CCDC102B: variants seen among roughly 807,000 people sequenced by gnomAD.
The protein encoded by CCDC102B is coiled-coil domain-containing protein 102B.
Under a neutral mutation model 57.4 loss-of-function variants are expected in CCDC102B, and 75 were observed. The observed-to-expected ratio is 1.31, with a 90% CI of 1.08 to 1.58. The LOEUF (loss-of-function observed/expected upper bound fraction) is 1.58. Ranked by LOEUF, CCDC102B falls within the 40% of genes most tolerant of loss-of-function variation. The pLI is 0.00. For synonymous variants in CCDC102B, 206 were observed against 201.9 expected (o/e 1.02, Z -0.17); for missense variants, 636 against 582.6 (o/e 1.09, Z -0.94).
chr18:69,035,777 A>G (rs552372931), intron 7 of CCDC102B, among the ~76,000 whole-genome samples: 1 of 152,268 alleles, frequency 6.6e-6, no homozygotes, highest in African/African-American at 2.4e-5. Flanking sequence ...TTTACTCTGT[A>G]TTAATGATTC....
intron 6 of CCDC102B, among the ~76,000 whole-genome samples, chr18:68,928,837 G>A (rs530272357): frequency 6.6e-6 from 1 of 151,828 alleles, no homozygotes; most frequent in South Asian, 2.1e-4. Context: ...AAAGAGGGGG[G>A]ACAATGGATT....
intron 1 of CCDC102B, among the ~76,000 whole-genome samples, chr18:68,828,231 T>G (rs1254107986): frequency 1.3e-5 from 2 of 150,002 alleles, no homozygotes; most frequent in African/African-American, 4.9e-5. Context: ...TAGGATCTAA[T>G]TGTCATTTAT....
At chr18:68,973,283 A>G (rs1375077979) in intron 6 of CCDC102B, among the ~76,000 whole-genome samples, 1 of 152,134 alleles carries the variant, frequency 6.6e-6, no homozygotes. Context: ...GTGTAAGTCT[A>G]TATAAAAAAA....
intron 1 of CCDC102B, among the ~76,000 whole-genome samples, chr18:68,825,812 G>A (rs539354331): frequency 3.3e-5 from 5 of 152,280 alleles, no homozygotes; most frequent in Admixed American, 1.3e-4. Context: ...ATTAAATGCA[G>A]TAATTCTGCT....
intron 6 of CCDC102B, among the ~76,000 whole-genome samples, chr18:68,964,127 A>G (rs963500195): frequency 1.3e-5 from 2 of 151,914 alleles, no homozygotes; most frequent in African/African-American, 4.8e-5. Context: ...TGGAAATCCA[A>G]TGAGTCAGAT....
chr18:69,045,606 C>G (rs113166804), intron 7 of CCDC102B, among the ~76,000 whole-genome samples: 3,103 of 151,966 alleles, frequency 0.02, 103 homozygotes, highest in African/African-American at 0.07. Flanking sequence ...TTATTTTTTA[C>G]TTTTATTTTA....
chr18:68,845,653 C>T (rs1313117375), intron 3 of CCDC102B, among the ~76,000 whole-genome samples: 4 of 151,756 alleles, frequency 2.6e-5, no homozygotes, highest in African/African-American at 4.8e-5. Flanking sequence ...TTATCAATGA[C>T]TCAGACATTG....
At position 68,886,080 on chromosome 18, in the gene CCDC102B, G is replaced by A. The variant is rs150544152; in HGVS notation, c.1054-11139G>A. Among the ~76,000 whole-genome samples the A allele has an allele frequency of 1.8e-4, 28 of 151,774 alleles. No homozygotes were observed. In the East Asian group the frequency reaches 4.4e-3, roughly 24 times the overall value. ...ATATATATATTTACAATGTTAAGAT[G>A]GAACACGTGGCCGGGGGCAGTGGCT... On this transcript the variant is annotated intron_variant, in intron 5 of 7. Coordinates refer to ENST00000360242, the MANE Select transcript of CCDC102B (RefSeq NM_024781.3).
intron 2 of CCDC102B, among the ~76,000 whole-genome samples, chr18:68,783,139 T>C (rs1260547360): frequency 6.6e-6 from 1 of 152,206 alleles, no homozygotes; most frequent in Non-Finnish European, 1.5e-5. Flanking sequence ...CCAGCAGTCC[T>C]GGCCTGGGAA....
intron 7 of CCDC102B, among the ~76,000 whole-genome samples, chr18:69,051,424 G>A (rs577691263): frequency 2.0e-4 from 30 of 151,688 alleles, no homozygotes; most frequent in African/African-American, 7.2e-4. Flanking sequence ...CTGTGTTTTG[G>A]GCAAAAACAT....
intron 6 of CCDC102B, among the ~76,000 whole-genome samples, chr18:68,963,864 T>TA (rs1219684176): frequency 1.3e-5 from 2 of 151,876 alleles, no homozygotes; most frequent in Non-Finnish European, 1.5e-5. Context: ...AATCTTCTAA[T>TA]AATTCTTCTA....
At chr18:68,900,764 A>G (rs1379496719) in intron 6 of CCDC102B, among the ~76,000 whole-genome samples, 1 of 152,010 alleles carries the variant, frequency 6.6e-6, no homozygotes, top group Non-Finnish European at 1.5e-5. Flanking sequence ...TAGGAACATT[A>G]AAAGAACACA....
chr18:68,891,708 T>A (rs1171244670), intron 5 of CCDC102B, among the ~76,000 whole-genome samples: 1 of 152,244 alleles, frequency 6.6e-6, no homozygotes, highest in Admixed American at 6.5e-5. Flanking sequence ...TGTCATTACA[T>A]GGTCTTTCCT....
intron 6 of CCDC102B, among the ~76,000 whole-genome samples, chr18:68,953,022 C>A (rs1280373930): frequency 6.6e-6 from 1 of 151,986 alleles, no homozygotes; most frequent in Non-Finnish European, 1.5e-5. Context: ...TATAGACACA[C>A]AGTGGGATAT....
intron 5 of CCDC102B, 34 bp downstream of exon 5, chr18:68,874,819 A>G (rs750766815): frequency 3.2e-6 from 4 of 1,261,164 alleles, no homozygotes; most frequent in African/African-American, 3.0e-5. Context: ...CATATATATT[A>G]AAACATAACT....
intron 2 of CCDC102B, among the ~76,000 whole-genome samples, chr18:68,740,145 C>T (rs2033320274): frequency 6.6e-6 from 1 of 152,160 alleles, no homozygotes. Context: ...TTGGCTTTTA[C>T]CCACTAGATT....
rs541002987 is a variant in CCDC102B at position 68,900,399 on chromosome 18, A to G, written c.1263+2971A>G. 22 of 152,246 alleles carry G rather than the reference A, an allele frequency of 1.4e-4. No homozygotes were observed. In the East Asian group the frequency reaches 3.7e-3, roughly 25 times the overall value. The allele number at this position is 152,246 out of a possible 1,614,324, so 9.4% of individuals were successfully genotyped here. A position where few individuals can be genotyped will look rare whatever the true frequency, so the allele number is the denominator to read the frequency against. ...GTGATGCTTGATCATTAGAATGTAC[A>G]TTTCCATCCAACATTAAAAAATCCA... On this transcript the variant is annotated intron_variant, in intron 6 of 7. Transcript: ENST00000360242.
intron 6 of CCDC102B, among the ~76,000 whole-genome samples, chr18:68,963,715 C>A (rs757386502): frequency 6.6e-6 from 1 of 151,746 alleles, no homozygotes; most frequent in Non-Finnish European, 1.5e-5. Flanking sequence ...GATGACACTG[C>A]AGGTTATCAT....
chr18:69,014,976 A>AGTGTGTGT (rs758831401), intron 7 of CCDC102B, among the ~76,000 whole-genome samples: 80 of 115,682 alleles, frequency 6.9e-4, no homozygotes, highest in East Asian at 5.8e-3. Flanking sequence ...AGAGAGAGAG[A>AGTGTGTGT]GAGTGTGTGT....
Sources: gnomAD v4.1 joint callset for allele counts (sites outside exome capture counted in the v4.1 genomes callset) on GRCh38, gnomAD v4.1.1 for gene constraint, MANE v1.5 for transcripts, NCBI Gene and HGNC (gene_info 2026-07-23, HGNC 2026-07-21) for gene names.